EPHA6: variants seen among roughly 807,000 people sequenced by gnomAD.
The protein encoded by EPHA6 is ephrin type-A receptor 6.
In EPHA6, 50 loss-of-function variants were observed where a neutral mutation model predicts 112.0. That is an observed-to-expected ratio of 0.45 (90% CI 0.36 to 0.56). EPHA6 has a LOEUF of 0.56. Among genes scored for constraint, EPHA6 ranks in the 20% least tolerant of loss-of-function variants. The pLI, the probability that EPHA6 is intolerant of heterozygous loss-of-function variation, is 0.00. For missense variants in EPHA6, 1,280 were observed against 1,417.4 expected (o/e 0.90, Z 1.56); for synonymous variants, 529 against 490.7 (o/e 1.08, Z -1.03).
intron 3 of EPHA6, among the ~76,000 whole-genome samples, chr3:97,204,104 G>C (rs778300519): frequency 7.2e-5 from 11 of 152,114 alleles, no homozygotes; most frequent in Non-Finnish European, 1.5e-4. Context: ...ACTTAGAAGA[G>C]TTAAGAACTT....
intron 5 of EPHA6, among the ~76,000 whole-genome samples, chr3:97,266,137 T>G (rs1453391869): frequency 6.6e-6 from 1 of 152,218 alleles, no homozygotes; most frequent in Non-Finnish European, 1.5e-5. Flanking sequence ...TTAAACCATC[T>G]TAAAGAGACC....
chr3:96,866,972 C>A, intron 2 of EPHA6, 83 bp downstream of exon 2: 5 of 739,452 alleles, frequency 6.8e-6, no homozygotes, highest in South Asian at 2.4e-5. Context: ...GAATTTTGGG[C>A]CCTACTTGTT....
chr3:97,704,831 G>A (rs914822394), intron 14 of EPHA6, among the ~76,000 whole-genome samples: 1 of 152,062 alleles, frequency 6.6e-6, no homozygotes, highest in Non-Finnish European at 1.5e-5. Context: ...ATTAAATCAT[G>A]ACTGAAATAG....
chr3:97,674,866 T>G (rs1337336407), intron 14 of EPHA6, among the ~76,000 whole-genome samples: 1 of 152,204 alleles, frequency 6.6e-6, no homozygotes, highest in Non-Finnish European at 1.5e-5. Context: ...TAGCCATTTT[T>G]GACTTACTTC....
At chr3:97,216,137 C>A (rs1299297847) in intron 3 of EPHA6, among the ~76,000 whole-genome samples, 1 of 152,154 alleles carries the variant, frequency 6.6e-6, no homozygotes, top group Admixed American at 6.5e-5. Flanking sequence ...CATGATTCTT[C>A]TGGCAGTACA....
rs561717737 is a variant in EPHA6, at chr3:97,373,206, T to C, written c.1607-31944T>C. Among the ~76,000 whole-genome samples the C allele has an allele frequency of 4.6e-5, 7 of 152,278 alleles. No homozygotes were observed. In the South Asian group the frequency reaches 1.5e-3, roughly 32 times the overall value. ...GTATATTCACAATCCCTCCTAAAAA[T>C]GTATGTTTTATATGAAGCAACTGTA... On this transcript the variant is annotated intron_variant, in intron 5 of 17. Transcript: ENST00000389672.
chr3:97,096,248 CACACACACAT>C (rs1365923044), intron 3 of EPHA6, among the ~76,000 whole-genome samples: 30 of 148,974 alleles, frequency 2.0e-4, no homozygotes, highest in African/African-American at 6.1e-4. Flanking sequence ...TATATATACA[CACACACACAT>C]ACACACACAT....
At chr3:96,958,140 A>G (rs2041828949) in intron 2 of EPHA6, among the ~76,000 whole-genome samples, 1 of 152,128 alleles carries the variant, frequency 6.6e-6, no homozygotes, top group Admixed American at 6.5e-5. Flanking sequence ...AAAATACAAA[A>G]TTAGCCAGGC....
chr3:97,748,949 A>C lies in EPHA6; in HGVS notation c.*248A>C, dbSNP rs916851014. On this transcript the variant is annotated 3_prime_UTR_variant, in exon 18 of 18. Coordinates refer to ENST00000389672, the MANE Select transcript of EPHA6 (RefSeq NM_001080448.3). ...AGATTATTGCTACGCAATGGTAAAT[A>C]ACTCAGCATGGATGTGTAATTTTGT... The C allele has an allele frequency of 6.3e-6, 3 of 473,118 alleles. No homozygotes were observed. Among genetic ancestry groups the C allele is most frequent in the Non-Finnish European group, 1.2e-5 (3 of 258,132 alleles). 29.3% of individuals were successfully genotyped at this position (473,118 alleles called of 1,614,324 possible).
At chr3:97,614,631 C>T (rs564484489) in intron 13 of EPHA6, among the ~76,000 whole-genome samples, 18 of 151,114 alleles carry the variant, frequency 1.2e-4, no homozygotes, top group East Asian at 7.8e-4. Context: ...GGATTACAGG[C>T]GTGAGCCACT....
At chr3:97,203,937 A>T (rs2077645541) in intron 3 of EPHA6, among the ~76,000 whole-genome samples, 1 of 152,168 alleles carries the variant, frequency 6.6e-6, no homozygotes, top group South Asian at 2.1e-4. Flanking sequence ...TACATATGTA[A>T]CTAACCTGCA....
chr3:97,220,671 C>A (rs897427196), intron 3 of EPHA6, among the ~76,000 whole-genome samples: 2 of 152,062 alleles, frequency 1.3e-5, no homozygotes, highest in Non-Finnish European at 2.9e-5. Context: ...GGAAACCACC[C>A]CCATGATTCA....
intron 11 of EPHA6, among the ~76,000 whole-genome samples, chr3:97,560,855 A>C (rs147133332): frequency 6.6e-6 from 1 of 152,040 alleles, no homozygotes; most frequent in Non-Finnish European, 1.5e-5. Context: ...GAGCAAATCT[A>C]TCAGTGCCAT....
intron 3 of EPHA6, among the ~76,000 whole-genome samples, chr3:97,020,056 T>C (rs2044399517): frequency 6.6e-6 from 1 of 152,198 alleles, no homozygotes; most frequent in Non-Finnish European, 1.5e-5. Flanking sequence ...TGAGTCTAAG[T>C]TGTAGTATGC....
intron 4 of EPHA6, among the ~76,000 whole-genome samples, chr3:97,242,880 A>G (rs1174540765): frequency 6.6e-6 from 1 of 151,614 alleles, no homozygotes; most frequent in African/African-American, 2.4e-5. Context: ...ATAGTATATT[A>G]TTTTTCTAAA....
chr3:96,969,374 G>T (rs901644369), intron 2 of EPHA6, among the ~76,000 whole-genome samples: 3 of 151,842 alleles, frequency 2.0e-5, no homozygotes, highest in African/African-American at 4.8e-5. Flanking sequence ...CATTGGAATG[G>T]CCGATGATCG....
chr3:96,919,023 T>G (rs1472116891), intron 2 of EPHA6, among the ~76,000 whole-genome samples: 2 of 151,984 alleles, frequency 1.3e-5, no homozygotes, highest in African/African-American at 4.8e-5. Flanking sequence ...GTTAAGCATA[T>G]GCTGTCACAA....
intron 4 of EPHA6, among the ~76,000 whole-genome samples, chr3:97,232,096 C>T (rs1487656803): frequency 6.6e-6 from 1 of 152,046 alleles, no homozygotes; most frequent in Non-Finnish European, 1.5e-5. Flanking sequence ...CTCCACATGC[C>T]AAAGGACCAC....
At chr3:97,019,078 G>A (rs2044364307) in intron 3 of EPHA6, among the ~76,000 whole-genome samples, 1 of 152,018 alleles carries the variant, frequency 6.6e-6, no homozygotes, top group Non-Finnish European at 1.5e-5. Flanking sequence ...TTATAGTATT[G>A]GAGTAAAGAG....
Sources: allele counts gnomAD v4.1 joint callset (sites outside exome capture counted in the v4.1 genomes callset), GRCh38; gene constraint gnomAD v4.1.1; transcripts MANE v1.5; gene names NCBI Gene and HGNC (gene_info 2026-07-23, HGNC 2026-07-21).